The following ARFGEF1 variants were observed in gnomAD, a reference collection of about 807,000 sequenced individuals.
ARFGEF1 encodes ARF guanine nucleotide exchange factor 1.
A neutral mutation model predicts 231.0 loss-of-function variants in ARFGEF1; 42 were observed. The observed-to-expected ratio is 0.18, with a 90% CI of 0.14 to 0.24. The LOEUF (loss-of-function observed/expected upper bound fraction) is 0.24, where lower values mean the gene tolerates loss of function less well. Among genes scored for constraint, ARFGEF1 ranks in the 10% least tolerant of loss-of-function variants. ARFGEF1 has a pLI of 1.00. For synonymous variants in ARFGEF1, 710 were observed against 732.3 expected (o/e 0.97, Z 0.49); for missense variants, 1,345 against 2,192.0 (o/e 0.61, Z 7.72).
At chr8:67,295,015 C>T (rs944561385) in intron 5 of ARFGEF1, among the ~76,000 whole-genome samples, 2 of 152,056 alleles carry the variant, frequency 1.3e-5, no homozygotes, top group African/African-American at 4.8e-5. Context: ...GTCACAAGGA[C>T]ACAGGGCCAA....
intron 34 of ARFGEF1, among the ~76,000 whole-genome samples, chr8:67,207,891 T>C (rs1283431582): frequency 6.6e-6 from 1 of 152,160 alleles, no homozygotes; most frequent in African/African-American, 2.4e-5. Context: ...AATGTCTGGC[T>C]TAAGGATGCA....
At chr8:67,262,996 T>C (rs962334613) in intron 14 of ARFGEF1, among the ~76,000 whole-genome samples, 1 of 152,174 alleles carries the variant, frequency 6.6e-6, no homozygotes, top group Non-Finnish European at 1.5e-5. Context: ...GAATATACAT[T>C]CTACTTAATC....
chr8:67,300,660 CAAAAAAAA>C (rs200434355), intron 3 of ARFGEF1, among the ~76,000 whole-genome samples: 6 of 88,660 alleles, frequency 6.8e-5, no homozygotes, highest in Admixed American at 3.7e-4. Flanking sequence ...CTTGTCTCTT[CAAAAAAAA>C]AAAAAAAAAA....
At chr8:67,300,323 T>C (rs1371584522) in intron 3 of ARFGEF1, among the ~76,000 whole-genome samples, 1 of 152,150 alleles carries the variant, frequency 6.6e-6, no homozygotes, top group African/African-American at 2.4e-5. Context: ...TCCCAAATAG[T>C]GAGAACATCT....
In ARFGEF1 at chr8:67,267,157, T is replaced by C. The variant is rs1804884080; in HGVS notation, c.1746A>G (p.Leu582=). The C allele has an allele frequency of 6.2e-7, 1 of 1,613,374 alleles. No homozygotes were observed. The highest frequency in any genetic ancestry group is 8.5e-7 in the Non-Finnish European group (1 of 1,179,682). ...DLNAANIFER[L]VNDLSKIAQG... is the part of the protein sequence containing the mutation. Reference sequence around the variant, plus strand: ...GAGCAATTTTTGATAGATCATTTACTAGTCTTTCAAATATATTGGCTGCAT... The same window carrying C: ...GAGCAATTTTTGATAGATCATTTACCAGTCTTTCAAATATATTGGCTGCAT... Residue 582 remains leucine, a synonymous_variant, in exon 12 of 39, where the codon CTA becomes CTG. Transcript: ENST00000262215.
At chr8:67,227,684 T>A in intron 25 of ARFGEF1, 86 bp from the exon 26 acceptor site, 1 of 1,369,490 alleles carries the variant, frequency 7.3e-7, no homozygotes. Context: ...AGAAAAAGTA[T>A]AGAATAGCAT....
intron 5 of ARFGEF1, among the ~76,000 whole-genome samples, chr8:67,192,235 TG>T (rs1836535033): frequency 6.6e-6 from 1 of 152,056 alleles, no homozygotes; most frequent in African/African-American, 2.4e-5. Flanking sequence ...CCAACACGCC[TG>T]GCTAAGTTTT....
intron 7 of ARFGEF1, among the ~76,000 whole-genome samples, chr8:67,286,261 C>G (rs968264875): frequency 2.0e-5 from 3 of 152,192 alleles, no homozygotes; most frequent in African/African-American, 4.8e-5. Flanking sequence ...ATAGCAAAAT[C>G]GTTAACCACT....
intron 1 of ARFGEF1, among the ~76,000 whole-genome samples, chr8:67,312,687 G>C (rs1807129331): frequency 6.6e-6 from 1 of 152,154 alleles, no homozygotes; most frequent in Non-Finnish European, 1.5e-5. Context: ...TTTAAAAATT[G>C]TTACACATTT....
intron 1 of ARFGEF1, among the ~76,000 whole-genome samples, chr8:67,330,019 A>G (rs1336800631): frequency 6.6e-6 from 1 of 152,108 alleles, no homozygotes; most frequent in Non-Finnish European, 1.5e-5. Context: ...AAAAATAAAT[A>G]TAATTTTAAC....
At chr8:67,254,561 T>C (rs1840396378) in intron 17 of ARFGEF1, among the ~76,000 whole-genome samples, 1 of 152,160 alleles carries the variant, frequency 6.6e-6, no homozygotes, top group African/African-American at 2.4e-5. Context: ...TGTGGTGTTA[T>C]GTGCCCGTAG....
rs551424141 is a variant in ARFGEF1 at position 67,326,648 on chromosome 8, AG to A, written c.124+16515del. ...TAAGATTACCAAAGACATAAATTAC[AG>A]TAAGTCCTCACTTAACATTGTTGTT... On this transcript the variant is annotated intron_variant, in intron 1 of 38. Transcript: ENST00000262215. Among the ~76,000 whole-genome samples, 8 of 152,366 alleles carry A rather than the reference AG, an allele frequency of 5.3e-5. No homozygotes were observed. The South Asian group carries it at 1.7e-3, about 32-fold the overall frequency.
At chr8:67,304,358 T>C (rs1170300110) in intron 1 of ARFGEF1, among the ~76,000 whole-genome samples, 1 of 152,238 alleles carries the variant, frequency 6.6e-6, no homozygotes, top group Non-Finnish European at 1.5e-5. Flanking sequence ...ACCAAACCCC[T>C]TTCCATTTTA....
chr8:67,335,000 C>T (rs1179325665), intron 1 of ARFGEF1, among the ~76,000 whole-genome samples: 1 of 150,652 alleles, frequency 6.6e-6, no homozygotes, highest in African/African-American at 2.4e-5. Context: ...TCATTACACT[C>T]AAAAAAAGTA....
At chr8:67,334,313 ACATTTCTGATCCCAAG>A (rs1165004846) in intron 1 of ARFGEF1, among the ~76,000 whole-genome samples, 1 of 151,890 alleles carries the variant, frequency 6.6e-6, no homozygotes, top group Non-Finnish European at 1.5e-5. Flanking sequence ...AAAATTGAAA[ACATTTCTGATCCCAAG>A]CATTTCTGAT....
Position 67,208,968 on chromosome 8 carries a change from A to C in ARFGEF1, c.4819+2515T>G, listed in dbSNP as rs1037636170. The stretch of plus-strand genomic sequence containing the variant: ...AAAAGGCGCTGGCAAAGATGTGGAA[A>C]AACTGGAATTGCTGGTGGGAATGTA... On this transcript the variant is annotated intron_variant, in intron 34 of 38. Coordinates refer to ENST00000262215, the MANE Select transcript of ARFGEF1 (RefSeq NM_006421.5). Among the ~76,000 whole-genome samples, 5 of 152,360 alleles carry C rather than the reference A, an allele frequency of 3.3e-5. No homozygotes were observed. The South Asian group carries it at 1.0e-3, about 32-fold the overall frequency.
At chr8:67,326,351 C>T (rs1456615414) in intron 1 of ARFGEF1, among the ~76,000 whole-genome samples, 2 of 152,194 alleles carry the variant, frequency 1.3e-5, no homozygotes, top group South Asian at 4.1e-4. Context: ...GGATGTAAAC[C>T]GAAGTATCTG....
intron 7 of ARFGEF1, among the ~76,000 whole-genome samples, chr8:67,285,242 G>A (rs1465942644): frequency 6.6e-6 from 1 of 152,092 alleles, no homozygotes; most frequent in African/African-American, 2.4e-5. Context: ...GAGTGGGCCA[G>A]GTGTGTGGTT....
At chr8:67,298,414 T>C (rs1391165491) in intron 4 of ARFGEF1, among the ~76,000 whole-genome samples, 2 of 152,168 alleles carry the variant, frequency 1.3e-5, no homozygotes, top group African/African-American at 4.8e-5. Flanking sequence ...AACAGGGTTT[T>C]GCTGAGCAAG....
Sources: gnomAD v4.1 joint callset for allele counts (sites outside exome capture counted in the v4.1 genomes callset) on GRCh38, gnomAD v4.1.1 for gene constraint, MANE v1.5 for transcripts, NCBI Gene and HGNC (gene_info 2026-07-23, HGNC 2026-07-21) for gene names.